PTPRT: variants seen among roughly 807,000 people sequenced by gnomAD.
PTPRT encodes the protein receptor-type tyrosine-protein phosphatase T.
PTPRT carries 56 observed loss-of-function variants against 176.8 expected under a neutral mutation model. That is an observed-to-expected ratio of 0.32 (90% CI 0.26 to 0.40). The LOEUF (loss-of-function observed/expected upper bound fraction) is 0.40, where lower values mean the gene tolerates loss of function less well. Among genes scored for constraint, PTPRT ranks in the 10% least tolerant of loss-of-function variants. The pLI, the probability that PTPRT is intolerant of heterozygous loss-of-function variation, is 1.00. For synonymous variants in PTPRT, 783 were observed against 739.0 expected (o/e 1.06, Z -0.96); for missense variants, 1,540 against 1,908.2 (o/e 0.81, Z 3.60).
intron 1 of PTPRT, among the ~76,000 whole-genome samples, chr20:43,105,056 T>C (rs1040946407): frequency 6.6e-6 from 1 of 152,108 alleles, no homozygotes; most frequent in Non-Finnish European, 1.5e-5. Context: ...GAGGCAAACT[T>C]AGCCCAGGCC....
intron 1 of PTPRT, among the ~76,000 whole-genome samples, chr20:43,112,211 C>A (rs1220754899): frequency 6.6e-6 from 1 of 152,178 alleles, no homozygotes; most frequent in Non-Finnish European, 1.5e-5. Flanking sequence ...TCCTTCTCAT[C>A]TTTTCAGATT....
chr20:42,919,291 T>A (rs1291099914), intron 1 of PTPRT, among the ~76,000 whole-genome samples: 2 of 152,184 alleles, frequency 1.3e-5, no homozygotes, highest in African/African-American at 2.4e-5. Context: ...GATGGACTCT[T>A]TGTACTTCCT....
chr20:42,370,099 A>C (rs1042258338), intron 9 of PTPRT, among the ~76,000 whole-genome samples: 12 of 152,168 alleles, frequency 7.9e-5, no homozygotes, highest in South Asian at 2.1e-4. Flanking sequence ...GGATTCATCC[A>C]AAGTGCAGAC....
At chr20:42,211,895 C>G (rs1315204052) in intron 15 of PTPRT, among the ~76,000 whole-genome samples, 2 of 151,354 alleles carry the variant, frequency 1.3e-5, no homozygotes, top group Non-Finnish European at 2.9e-5. Context: ...TTGGAACCAA[C>G]CCAAATGTCC....
intron 11 of PTPRT, among the ~76,000 whole-genome samples, chr20:42,327,776 A>T (rs2187853): frequency 0.1 from 15,540 of 152,112 alleles, 1,284 homozygotes; most frequent in African/African-American, 0.23. Context: ...TTTACAAAAG[A>T]CAAAAGAAAA....
intron 2 of PTPRT, among the ~76,000 whole-genome samples, chr20:42,815,779 C>A (rs2077773028): frequency 6.6e-6 from 1 of 152,064 alleles, no homozygotes; most frequent in Admixed American, 6.5e-5. Flanking sequence ...CACTTTGGAT[C>A]CTGGGGAGAA....
At chr20:42,429,020 G>C (rs2059192376) in intron 9 of PTPRT, among the ~76,000 whole-genome samples, 1 of 152,142 alleles carries the variant, frequency 6.6e-6, no homozygotes, top group Admixed American at 6.5e-5. Context: ...ATCATTTATT[G>C]AGTGCCTTTG....
At position 42,317,078 on chromosome 20, in the gene PTPRT, T is replaced by C. The variant is rs62208719; in HGVS notation, c.1866-1082A>G. On this transcript the variant is annotated intron_variant, in intron 11 of 30. Transcript: ENST00000373187. ...TGCCTGTCACCCAACAAGTGATCAA[T>C]GAATGCTTGTTCAAATGAATTAAAT... 8.8e-4 allele frequency among the ~76,000 whole-genome samples: 133 copies of C among 151,088 alleles called. 1 individual carries two copies. Among genetic ancestry groups the C allele is most frequent in the South Asian group, 3.0e-3 (14 of 4,642 alleles).
chr20:42,128,968 A>G (rs956177048), intron 18 of PTPRT, 138 bp from the exon 19 acceptor site: 3 of 555,838 alleles, frequency 5.4e-6, no homozygotes, highest in Admixed American at 8.1e-5. Flanking sequence ...CACCACCCTC[A>G]GTTACTGCTC....
At chr20:42,765,713 T>C (rs1261591666) in intron 5 of PTPRT, among the ~76,000 whole-genome samples, 2 of 151,876 alleles carry the variant, frequency 1.3e-5, no homozygotes, top group Admixed American at 6.6e-5. Flanking sequence ...TTATATATTA[T>C]GTACATGAGC....
intron 7 of PTPRT, among the ~76,000 whole-genome samples, chr20:42,527,584 T>C (rs939317895): frequency 1.3e-5 from 2 of 152,206 alleles, no homozygotes; most frequent in African/African-American, 4.8e-5. Context: ...TTTCTTCTTA[T>C]GGAGAAGGGG....
intron 7 of PTPRT, among the ~76,000 whole-genome samples, chr20:42,594,765 G>T (rs1176863442): frequency 6.6e-6 from 1 of 152,116 alleles, no homozygotes; most frequent in Non-Finnish European, 1.5e-5. Flanking sequence ...TCCACTCCCA[G>T]ATTTTCAAAA....
intron 8 of PTPRT, among the ~76,000 whole-genome samples, chr20:42,456,519 G>A (rs1310896144): frequency 6.6e-6 from 1 of 151,942 alleles, no homozygotes; most frequent in East Asian, 1.9e-4. Context: ...GGTTGAGGGG[G>A]CCCATTTTTA....
At chr20:43,138,231 G>T (rs753534584) in intron 1 of PTPRT, among the ~76,000 whole-genome samples, 1 of 152,172 alleles carries the variant, frequency 6.6e-6, no homozygotes, top group Non-Finnish European at 1.5e-5. Flanking sequence ...TGACACACAG[G>T]GTCTGAAACA....
intron 1 of PTPRT, among the ~76,000 whole-genome samples, chr20:42,985,262 C>T (rs1326025575): frequency 6.6e-6 from 1 of 151,950 alleles, no homozygotes; most frequent in East Asian, 1.9e-4. Context: ...TTTGGGAGGC[C>T]GAGGTGGGTG....
At chr20:42,928,861 G>A (rs1453167397) in intron 1 of PTPRT, among the ~76,000 whole-genome samples, 3 of 152,162 alleles carry the variant, frequency 2.0e-5, no homozygotes, top group East Asian at 1.9e-4. Context: ...CAAAAGAGAA[G>A]GACATTCCCT....
At chr20:42,238,777 G>A (rs768389807) in intron 14 of PTPRT, among the ~76,000 whole-genome samples, 14 of 152,068 alleles carry the variant, frequency 9.2e-5, no homozygotes, top group South Asian at 4.1e-4. Context: ...ATAGATGACC[G>A]ACAGCTCAAA....
chr20:42,141,902 G>A lies in PTPRT; in HGVS notation c.2770+13C>T. ...AACACCTGAAGCTTAGGAGCTCCCAGAAGGGCACCTACAGGATATGATGTT... is the reference window on the plus strand; with the variant it reads ...AACACCTGAAGCTTAGGAGCTCCCAAAAGGGCACCTACAGGATATGATGTT... On this transcript the variant is annotated intron_variant, in intron 18 of 30. Coordinates refer to ENST00000373187, the MANE Select transcript of PTPRT (RefSeq NM_007050.6). 1.2e-6 allele frequency: 2 copies of A among 1,609,938 alleles called. No individual in the cohort carries two copies. Among genetic ancestry groups the A allele is most frequent in the Non-Finnish European group, 1.7e-6 (2 of 1,176,190 alleles).
intron 7 of PTPRT, among the ~76,000 whole-genome samples, chr20:42,602,026 A>G (rs2073791769): frequency 6.6e-6 from 1 of 152,168 alleles, no homozygotes; most frequent in Admixed American, 6.5e-5. Flanking sequence ...ATTCCTTGAT[A>G]CCAGAAATAA....
Sources: gnomAD v4.1 joint callset for allele counts (sites outside exome capture counted in the v4.1 genomes callset) on GRCh38, gnomAD v4.1.1 for gene constraint, MANE v1.5 for transcripts, NCBI Gene and HGNC (gene_info 2026-07-23, HGNC 2026-07-21) for gene names.